GALNS: variants seen among roughly 807,000 people sequenced by gnomAD.
GALNS encodes the protein N-acetylgalactosamine-6-sulfatase.
In GALNS, 65 loss-of-function variants were observed where a neutral mutation model predicts 65.9. The ratio of observed to expected loss-of-function variants is 0.99; its 90% CI spans 0.81 to 1.21. The LOEUF (loss-of-function observed/expected upper bound fraction) is 1.21. GALNS is among the 50% of genes most tolerant of loss of function. GALNS has a pLI of 0.00. For synonymous variants in GALNS, 346 were observed against 288.9 expected (o/e 1.20, Z -2.00); for missense variants, 776 against 700.7 (o/e 1.11, Z -1.21).
intron 10 of GALNS, 61 bp from the exon 11 acceptor site, chr16:88,824,930 G>C: frequency 7.3e-7 from 1 of 1,369,000 alleles, no homozygotes; most frequent in Non-Finnish European, 1.0e-6. Context: ...GCCACCTGGA[G>C]GCTCTGGGCT....
intron 10 of GALNS, 123 bp downstream of exon 10, chr16:88,826,579 G>A: frequency 8.2e-7 from 1 of 1,217,524 alleles, no homozygotes; most frequent in Non-Finnish European, 1.2e-6. Context: ...TCCTGCCCTG[G>A]GCACGAGCAC....
chr16:88,855,304 C>A, intron 1 of GALNS: 1 of 699,794 alleles, frequency 1.4e-6, no homozygotes, highest in Non-Finnish European at 2.6e-6. Context: ...GCTCATCCAG[C>A]GAAGCTATGC....
chr16:88,842,534 G>A (rs1460686511), intron 2 of GALNS, 172 bp downstream of exon 2: 5 of 783,806 alleles, frequency 6.4e-6, no homozygotes, highest in African/African-American at 1.8e-5. Flanking sequence ...CACATGGCAC[G>A]GAGCCGGGCT....
chr16:88,855,952 C>G (rs934754021), intron 1 of GALNS: 1 of 577,896 alleles, frequency 1.7e-6, no homozygotes, highest in Admixed American at 3.0e-5. Flanking sequence ...CAGGTGTAAC[C>G]CCCCAGGTGT....
chr16:88,815,322 G>A, intron 13 of GALNS: 1 of 985,478 alleles, frequency 1.0e-6, no homozygotes, highest in Non-Finnish European at 1.2e-6. Flanking sequence ...CTCCCAGGAG[G>A]GCCCACCCTG....
At chr16:88,830,617 G>A (rs1217203874) in intron 9 of GALNS, among the ~76,000 whole-genome samples, 1 of 152,212 alleles carries the variant, frequency 6.6e-6, no homozygotes, top group Non-Finnish European at 1.5e-5. Context: ...GCGTGTTGAT[G>A]GGTATGTCTG....
At chr16:88,832,882 A>G (rs1411550249) in intron 8 of GALNS, among the ~76,000 whole-genome samples, 2 of 152,152 alleles carry the variant, frequency 1.3e-5, no homozygotes, top group South Asian at 2.1e-4. Context: ...ACTGGTTTCT[A>G]CCAAAGAGAG....
At chr16:88,856,055 T>C (rs556704257) in intron 1 of GALNS, 2 of 649,008 alleles carry the variant, frequency 3.1e-6, no homozygotes, top group Non-Finnish European at 5.6e-6. Context: ...CGGTGACCCA[T>C]GCCCCAGGCA....
intron 1 of GALNS, chr16:88,856,491 C>A: frequency 1.4e-6 from 1 of 699,666 alleles, no homozygotes. Flanking sequence ...AGCACAGTGG[C>A]AGCGCGTGTG....
chr16:88,821,530 C>T (rs779824218), intron 12 of GALNS, among the ~76,000 whole-genome samples: 2 of 152,190 alleles, frequency 1.3e-5, no homozygotes, highest in South Asian at 2.1e-4. Context: ...GCTGGACGCT[C>T]GGTGGAGGAG....
intron 1 of GALNS, chr16:88,844,526 C>T (rs1404094969): frequency 6.6e-6 from 1 of 152,256 alleles, no homozygotes; most frequent in African/African-American, 2.4e-5. Context: ...TGTCTTCCTT[C>T]CTTAAGGACA....
chr16:88,820,775 C>T (rs1205375841), intron 12 of GALNS, among the ~76,000 whole-genome samples: 1 of 152,224 alleles, frequency 6.6e-6, no homozygotes, highest in African/African-American at 2.4e-5. Flanking sequence ...CCAATCACGC[C>T]CAGTGGACGC....
intron 1 of GALNS, among the ~76,000 whole-genome samples, chr16:88,849,363 C>A (rs113425322): frequency 0.048 from 7,384 of 152,268 alleles, 246 homozygotes; most frequent in Middle Eastern, 0.14. Context: ...TGGCTCACTG[C>A]AACCTCCGGC....
At chr16:88,840,537 A>C in intron 4 of GALNS, 1 of 294,516 alleles carries the variant, frequency 3.4e-6, no homozygotes, top group South Asian at 3.1e-5. Context: ...ATCAACTGCT[A>C]GGCTGTTACT....
intron 9 of GALNS, among the ~76,000 whole-genome samples, chr16:88,829,852 G>A (rs111407147): frequency 4.6e-5 from 7 of 152,206 alleles, no homozygotes; most frequent in African/African-American, 1.4e-4. Context: ...CAGACACAAC[G>A]CAGGCCGCTC....
At chr16:88,855,512 GA>G (rs997489470) in intron 1 of GALNS, 1 of 702,736 alleles carries the variant, frequency 1.4e-6, no homozygotes, top group Non-Finnish European at 2.6e-6. Context: ...GCGTGCTCTG[GA>G]AAGCAGTCAC....
intron 10 of GALNS, among the ~76,000 whole-genome samples, chr16:88,826,387 TG>T (rs1217370882): frequency 9.9e-5 from 2 of 20,244 alleles, no homozygotes; most frequent in African/African-American, 4.0e-4. Flanking sequence ...GGAACAGGGG[TG>T]GGGCGGGCAG....
At chr16:88,817,102 C>G (rs755445132) in intron 13 of GALNS, 102 of 985,458 alleles carry the variant, frequency 1.0e-4, no homozygotes, top group Middle Eastern at 1.0e-3. Context: ...GGACCCACAT[C>G]AGCTGTGCTG....
At chr16:88,839,503 T>C (rs1247024037) in intron 4 of GALNS, among the ~76,000 whole-genome samples, 2 of 152,242 alleles carry the variant, frequency 1.3e-5, no homozygotes, top group African/African-American at 2.4e-5. Flanking sequence ...CTCAAGTCCC[T>C]GCCCTGCACA....
Sources: gnomAD v4.1 joint callset for allele counts (sites outside exome capture counted in the v4.1 genomes callset) on GRCh38, gnomAD v4.1.1 for gene constraint, MANE v1.5 for transcripts, NCBI Gene and HGNC (gene_info 2026-07-23, HGNC 2026-07-21) for gene names.